The following CACNA2D3 variants were observed in gnomAD, a reference collection of about 807,000 sequenced individuals.
CACNA2D3 encodes the protein voltage-dependent calcium channel subunit alpha-2/delta-3.
CACNA2D3 carries 60 observed loss-of-function variants against 160.6 expected under a neutral mutation model. The observed-to-expected ratio is 0.37, with a 90% CI of 0.30 to 0.46. The LOEUF is 0.46. Among genes scored for constraint, CACNA2D3 ranks in the 20% least tolerant of loss-of-function variants. The pLI is 1.00. For synonymous variants in CACNA2D3, 558 were observed against 492.9 expected (o/e 1.13, Z -1.75); for missense variants, 1,205 against 1,365.0 (o/e 0.88, Z 1.85).
At chr3:54,839,843 C>T (rs953129218) in intron 16 of CACNA2D3, among the ~76,000 whole-genome samples, 1 of 152,176 alleles carries the variant, frequency 6.6e-6, no homozygotes, top group African/African-American at 2.4e-5. Context: ...CCTCGTTCCC[C>T]AGCTTCATCC....
intron 3 of CACNA2D3, among the ~76,000 whole-genome samples, chr3:54,371,304 C>G (rs1228959512): frequency 6.6e-6 from 1 of 151,976 alleles, no homozygotes; most frequent in Non-Finnish European, 1.5e-5. Context: ...AGTGAACATA[C>G]CATTTTACAT....
chr3:54,703,456 T>C (rs1700803168), intron 11 of CACNA2D3, among the ~76,000 whole-genome samples: 1 of 152,142 alleles, frequency 6.6e-6, no homozygotes, highest in South Asian at 2.1e-4. Context: ...GGATAACTAG[T>C]GTCCCTACAA....
chr3:54,619,491 T>A (rs1213718312), intron 9 of CACNA2D3, among the ~76,000 whole-genome samples: 2 of 152,194 alleles, frequency 1.3e-5, no homozygotes, highest in South Asian at 4.1e-4. Flanking sequence ...ATCCAGGAGA[T>A]CTATCTTTTC....
At chr3:54,482,682 T>C (rs887629524) in intron 4 of CACNA2D3, among the ~76,000 whole-genome samples, 16 of 152,118 alleles carry the variant, frequency 1.1e-4, no homozygotes, top group African/African-American at 3.6e-4. Flanking sequence ...GATTCACACA[T>C]TGAAGTTTAT....
intron 3 of CACNA2D3, among the ~76,000 whole-genome samples, chr3:54,351,070 C>T (rs1698556243): frequency 6.8e-6 from 1 of 147,086 alleles, no homozygotes; most frequent in African/African-American, 2.5e-5. Context: ...CAACCTCCAC[C>T]TCCTGGGCTC....
At chr3:54,998,604 C>T (rs971274608) in intron 31 of CACNA2D3, among the ~76,000 whole-genome samples, 9 of 152,152 alleles carry the variant, frequency 5.9e-5, no homozygotes, top group African/African-American at 1.9e-4. Context: ...AAATGAGTGA[C>T]GCTTTCTTGT....
chr3:54,130,045 G>T (rs140512926), intron 2 of CACNA2D3, among the ~76,000 whole-genome samples: 71 of 152,322 alleles, frequency 4.7e-4, no homozygotes, highest in African/African-American at 1.6e-3. Context: ...TTGAATCTGA[G>T]GACTTGCTGA....
At chr3:54,884,400 G>A (rs1329359469) in intron 21 of CACNA2D3, among the ~76,000 whole-genome samples, 2 of 152,212 alleles carry the variant, frequency 1.3e-5, no homozygotes, top group African/African-American at 2.4e-5. Context: ...GCAGAATTGT[G>A]TGATAGGTCT....
chr3:54,674,818 G>A (rs1030306516), intron 11 of CACNA2D3, among the ~76,000 whole-genome samples: 2 of 152,188 alleles, frequency 1.3e-5, no homozygotes, highest in African/African-American at 4.8e-5. Context: ...AGATTTTGTA[G>A]GGAATGCAGT....
chr3:54,850,357 T>G (rs1195351910), intron 17 of CACNA2D3, among the ~76,000 whole-genome samples: 1 of 152,208 alleles, frequency 6.6e-6, no homozygotes, highest in Non-Finnish European at 1.5e-5. Context: ...ATGCTCTTGA[T>G]CTTGAGAAAT....
intron 25 of CACNA2D3, 37 bp downstream of exon 25, chr3:54,891,487 C>A: frequency 6.9e-7 from 1 of 1,446,618 alleles, no homozygotes. Context: ...GCCCAGGGAG[C>A]TTCTGAAATG....
intron 35 of CACNA2D3, among the ~76,000 whole-genome samples, chr3:55,042,828 A>G (rs1387396075): frequency 1.3e-5 from 2 of 152,162 alleles, no homozygotes; most frequent in African/African-American, 4.8e-5. Context: ...ATCGGAAACC[A>G]TGATATTTTT....
chr3:54,268,226 G>C (rs553776509), intron 2 of CACNA2D3, among the ~76,000 whole-genome samples: 60 of 152,156 alleles, frequency 3.9e-4, no homozygotes, highest in Non-Finnish European at 8.1e-4. Flanking sequence ...CTGCTTGTCT[G>C]TTCTGGGTCA....
intron 13 of CACNA2D3, among the ~76,000 whole-genome samples, chr3:54,808,420 A>T (rs535682116): frequency 6.6e-6 from 1 of 152,226 alleles, no homozygotes; most frequent in East Asian, 1.9e-4. Flanking sequence ...CCAGTAGTTT[A>T]GTTCTAGGTC....
At chr3:54,883,224 A>G (rs934248077) in intron 21 of CACNA2D3, among the ~76,000 whole-genome samples, 4 of 152,106 alleles carry the variant, frequency 2.6e-5, no homozygotes, top group African/African-American at 9.7e-5. Context: ...GGGTTTCACC[A>G]TGTTGGTTAG....
chr3:54,243,832 C>G (rs1380368136), intron 2 of CACNA2D3, among the ~76,000 whole-genome samples: 1 of 152,140 alleles, frequency 6.6e-6, no homozygotes, highest in Non-Finnish European at 1.5e-5. Flanking sequence ...GCCTTATCCT[C>G]CTTAGCTCTG....
intron 2 of CACNA2D3, among the ~76,000 whole-genome samples, chr3:54,136,262 A>G (rs963160742): frequency 3.3e-5 from 5 of 152,266 alleles, no homozygotes; most frequent in Admixed American, 6.5e-5. Flanking sequence ...GATAGGAGAC[A>G]GAACAATTAG....
intron 3 of CACNA2D3, among the ~76,000 whole-genome samples, chr3:54,373,399 C>A (rs1040330641): frequency 9.2e-5 from 14 of 152,092 alleles, no homozygotes; most frequent in Admixed American, 8.5e-4. Flanking sequence ...GTTTTCAAGG[C>A]CCCTGGTATG....
At chr3:54,364,329 A>G (rs1698793846) in intron 3 of CACNA2D3, among the ~76,000 whole-genome samples, 3 of 152,138 alleles carry the variant, frequency 2.0e-5, no homozygotes, top group Non-Finnish European at 4.4e-5. Context: ...TTTCTGAAAA[A>G]TCTCTCCCTT....
Sources: allele counts gnomAD v4.1 joint callset (sites outside exome capture counted in the v4.1 genomes callset), GRCh38; gene constraint gnomAD v4.1.1; transcripts MANE v1.5; gene names NCBI Gene and HGNC (gene_info 2026-07-23, HGNC 2026-07-21).